The following DGKD variants were observed in gnomAD, a reference collection of about 807,000 sequenced individuals.
DGKD encodes diacylglycerol kinase delta.
In DGKD, 68 loss-of-function variants were observed where a neutral mutation model predicts 154.4. The observed-to-expected ratio is 0.44, with a 90% CI of 0.36 to 0.54. The LOEUF (loss-of-function observed/expected upper bound fraction) is 0.54. DGKD is among the 20% of genes least tolerant of loss of function. DGKD has a pLI of 0.00. For missense variants in DGKD, 1,343 were observed against 1,593.6 expected (o/e 0.84, Z 2.68); for synonymous variants, 693 against 638.0 (o/e 1.09, Z -1.30).
chr2:233,457,206 G>C lies in DGKD; in HGVS notation c.2473-15G>C. The C allele has an allele frequency of 4.0e-6, 6 of 1,504,338 alleles. No individual in the cohort carries two copies. The highest frequency in any genetic ancestry group is 2.3e-5 in the East Asian group (1 of 44,044). The allele number at this position is 1,504,338 out of a possible 1,614,324, so 93.2% of individuals were successfully genotyped here. On this transcript the variant is annotated splice_polypyrimidine_tract_variant and intron_variant, in intron 20 of 29. Transcript: ENST00000264057. This position sits in a 1 kb window ranked among gnomAD's most constrained non-coding sequence, Gnocchi z 5.5. ...ACCTTTCTCTTTTCTTTTGTTCTGT[G>C]TCTCTGCTGCTCAGTGTGACGGGCG...
At chr2:233,406,224 A>G (rs967668305) in intron 3 of DGKD, among the ~76,000 whole-genome samples, 1 of 152,206 alleles carries the variant, frequency 6.6e-6, no homozygotes, top group African/African-American at 2.4e-5. Flanking sequence ...GCCCACTCAG[A>G]TAATCCAGGA....
intron 1 of DGKD, chr2:233,386,093 A>G: frequency 4.7e-6 from 2 of 423,664 alleles, no homozygotes; most frequent in South Asian, 1.6e-5. Flanking sequence ...GCAAGAAAAA[A>G]TACTCCAGCA....
chr2:233,436,549 C>T (rs1187441038), intron 7 of DGKD, 108 bp downstream of exon 7: 2 of 1,442,852 alleles, frequency 1.4e-6, no homozygotes, highest in Non-Finnish European at 9.2e-7. Context: ...AAATTAATCC[C>T]AGAGGCCCCT....
chr2:233,446,649 G>T (rs557426978), intron 11 of DGKD, 63 bp from the exon 12 acceptor site: 3 of 1,550,552 alleles, frequency 1.9e-6, no homozygotes, highest in Admixed American at 1.8e-5. Flanking sequence ...AGCGGACGGC[G>T]CAGGGTTCAC....
At chr2:233,369,557 A>C (rs545840717) in intron 1 of DGKD, among the ~76,000 whole-genome samples, 1 of 152,270 alleles carries the variant, frequency 6.6e-6, no homozygotes, top group South Asian at 2.1e-4. Flanking sequence ...AGGTTTGTGC[A>C]TGTACTTTAT....
intron 29 of DGKD, 52 bp downstream of exon 29, chr2:233,468,605 C>G: frequency 6.2e-7 from 1 of 1,606,882 alleles, no homozygotes; most frequent in Non-Finnish European, 8.5e-7. Flanking sequence ...GCACGCAGCT[C>G]CCTTCTCTTC....
At position 233,429,202 on chromosome 2, in the gene DGKD, G is replaced by A. The variant is rs557859873; in HGVS notation, c.349-5178G>A. The A allele has an allele frequency of 3.9e-4, 384 of 985,248 alleles. 1 individual carries two copies. The highest frequency in any genetic ancestry group is 4.4e-4 in the Non-Finnish European group (368 of 829,924). 61.0% of individuals were successfully genotyped at this position (985,248 alleles called of 1,614,324 possible). A position where few individuals can be genotyped will look rare whatever the true frequency, so the allele number is the denominator to read the frequency against. On this transcript the variant is annotated intron_variant, in intron 3 of 29. Coordinates refer to ENST00000264057, the MANE Select transcript of DGKD (RefSeq NM_152879.3). ...GGCACTTCAGCTCGTAAAGGCTGCC[G>A]TGGGAGTAGTAGACTCAGGACCTAA... is the stretch of plus-strand genomic sequence containing the variant.
chr2:233,447,630 G>T lies in DGKD; in HGVS notation c.1420-457G>T, dbSNP rs768811010. 9.4e-5 allele frequency: 94 copies of T among 994,914 alleles called. 1 individual carries two copies. The African/African-American group carries it at 1.5e-3, about 16-fold the overall frequency. The allele number at this position is 994,914 out of a possible 1,614,324, so 61.6% of individuals were successfully genotyped here. On this transcript the variant is annotated intron_variant, in intron 12 of 29. Coordinates refer to ENST00000264057, the MANE Select transcript of DGKD (RefSeq NM_152879.3). ...GGGGCTGGGTCCTAAGGACAGCAGG[G>T]ATCCCACAGGGATAGGGCTGCCCTT...
chr2:233,453,912 A>G (rs966840562), intron 18 of DGKD, among the ~76,000 whole-genome samples: 2 of 152,142 alleles, frequency 1.3e-5, no homozygotes, highest in African/African-American at 2.4e-5. Flanking sequence ...TTTTCAAGTC[A>G]TTTTCCTTTT....
At chr2:233,398,206 G>A (rs1346315114) in intron 3 of DGKD, among the ~76,000 whole-genome samples, 2 of 150,732 alleles carry the variant, frequency 1.3e-5, no homozygotes, top group East Asian at 2.0e-4. Context: ...GCAGTGGTGC[G>A]ATCTTGGCTT....
At chr2:233,427,403 C>T (rs1199537675) in intron 3 of DGKD, among the ~76,000 whole-genome samples, 2 of 141,314 alleles carry the variant, frequency 1.4e-5, no homozygotes, top group Non-Finnish European at 3.0e-5. Flanking sequence ...TGCAGTGGTG[C>T]AATCTTGGCT....
Position 233,469,493 on chromosome 2 carries a change from C to T in DGKD, c.*33C>T, listed in dbSNP as rs774741480. On this transcript the variant is annotated 3_prime_UTR_variant, in exon 30 of 30. Transcript: ENST00000264057. Reference sequence around the variant, plus strand: ...CCTCTCAGCCTGTGGCCTCCACATCCCCGCCGCCGAGGCCTAGCCTCCGCC... The same window carrying T: ...CCTCTCAGCCTGTGGCCTCCACATCTCCGCCGCCGAGGCCTAGCCTCCGCC... 2.0e-5 allele frequency: 31 copies of T among 1,551,256 alleles called. No individual in the cohort carries two copies. Among genetic ancestry groups the T allele is most frequent in the Non-Finnish European group, 2.7e-5 (31 of 1,143,832 alleles).
intron 2 of DGKD, 147 bp from the exon 3 acceptor site, chr2:233,390,256 T>A (rs1703509088): frequency 9.8e-6 from 5 of 507,884 alleles, no homozygotes. Context: ...TTGGATTGGC[T>A]TATTGATTGG....
At chr2:233,434,668 C>T in intron 4 of DGKD, 101 bp from the exon 5 acceptor site, 1 of 1,541,420 alleles carries the variant, frequency 6.5e-7, no homozygotes, top group East Asian at 2.3e-5. Flanking sequence ...AACCTTCCTC[C>T]TCTCCTCTCT....
chr2:233,400,369 A>G (rs1190183225), intron 3 of DGKD, among the ~76,000 whole-genome samples: 1 of 152,150 alleles, frequency 6.6e-6, no homozygotes, highest in Non-Finnish European at 1.5e-5. Context: ...TGGAGCTAGG[A>G]GAGAGTGGTG....
rs1286881098 is a variant in DGKD, at chr2:233,459,103, G to A, written c.2695-654G>A. 6.6e-6 allele frequency among the ~76,000 whole-genome samples: 1 copy of A among 152,202 alleles called. No homozygotes were observed. Among genetic ancestry groups the A allele is most frequent in the South Asian group, 2.1e-4 (1 of 4,816 alleles). ...GATCATGGTTCTGAGGCCGAGTGGT[G>A]AAGGGCTGGGGGTGCCCCCATGGCT... is the stretch of plus-strand genomic sequence containing the variant. On this transcript the variant is annotated intron_variant, in intron 22 of 29. Transcript: ENST00000264057. The surrounding 1 kb of genome is among the most constrained non-coding windows in gnomAD (Gnocchi z 5.7).
At chr2:233,391,217 T>C (rs1234298041) in intron 3 of DGKD, among the ~76,000 whole-genome samples, 1 of 152,206 alleles carries the variant, frequency 6.6e-6, no homozygotes, top group Non-Finnish European at 1.5e-5. Context: ...TAAACTTTCT[T>C]CCTTCCAAAT....
intron 3 of DGKD, among the ~76,000 whole-genome samples, chr2:233,428,177 G>A (rs1362118873): frequency 6.6e-6 from 1 of 152,164 alleles, no homozygotes; most frequent in African/African-American, 2.4e-5. Flanking sequence ...CCTGCTGGTT[G>A]GTGTGGGGGC....
Position 233,441,797 on chromosome 2 carries a change from C to A in DGKD, c.1086-90C>A. The A allele has an allele frequency of 8.1e-7, 1 of 1,229,628 alleles. No individual in the cohort carries two copies. The highest frequency in any genetic ancestry group is 1.2e-6 in the Non-Finnish European group (1 of 854,650). 76.2% of individuals were successfully genotyped at this position (1,229,628 alleles called of 1,614,324 possible). A position where few individuals can be genotyped will look rare whatever the true frequency, so the allele number is the denominator to read the frequency against. ...TCTGGTGCAGGTCAGCCATGAGGAGCACAGGTGGCCCCTCAGCCCCGTACT... is the reference window on the plus strand; with the variant it reads ...TCTGGTGCAGGTCAGCCATGAGGAGAACAGGTGGCCCCTCAGCCCCGTACT... On this transcript the variant is annotated intron_variant, in intron 9 of 29. Coordinates refer to ENST00000264057, the MANE Select transcript of DGKD (RefSeq NM_152879.3). This position sits in a 1 kb window ranked among gnomAD's most constrained non-coding sequence, Gnocchi z 5.6.
Sources: allele counts gnomAD v4.1 joint callset (sites outside exome capture counted in the v4.1 genomes callset), GRCh38; gene constraint gnomAD v4.1.1; non-coding constraint Gnocchi (gnomAD v3.1); transcripts MANE v1.5; gene names NCBI Gene and HGNC (gene_info 2026-07-23, HGNC 2026-07-21).